MCF2L: variants seen among roughly 807,000 people sequenced by gnomAD.
The protein encoded by MCF2L is MCF.2 cell line derived transforming sequence like, also known as guanine nucleotide exchange factor DBS.
A neutral mutation model predicts 153.4 loss-of-function variants in MCF2L; 97 were observed. That is an observed-to-expected ratio of 0.63 (90% confidence interval 0.54 to 0.75). The LOEUF (loss-of-function observed/expected upper bound fraction) is 0.75. Ranked by LOEUF, MCF2L falls within the 30% of genes least tolerant of loss-of-function variation. The pLI, the probability that MCF2L is intolerant of heterozygous loss-of-function variation, is 0.00. For missense variants in MCF2L, 1,347 were observed against 1,495.2 expected (o/e 0.90, Z 1.64); for synonymous variants, 659 against 632.2 (o/e 1.04, Z -0.64).
Position 112,944,569 on chromosome 13 carries a change from C to CTTT in MCF2L, c.169+42216_169+42218dup, listed in dbSNP as rs34676086. ...TCAGTCCTGTCCCGCTAAACCTGAA[C>CTTT]TTTTTTTTTTTTTTTTTTTTGAGAC... On this transcript the variant is annotated intron_variant, in intron 2 of 29. Transcript: ENST00000375608. 1.3e-3 allele frequency among the ~76,000 whole-genome samples: 135 copies of CTTT among 102,174 alleles called. 3 individuals are homozygous for CTTT. Among genetic ancestry groups the CTTT allele is most frequent in the African/African-American group, 4.4e-3 (116 of 26,644 alleles). 67.0% of individuals were successfully genotyped at this position (102,174 alleles called of 152,430 possible).
At chr13:112,946,921 G>A (rs1307749360) in intron 2 of MCF2L, among the ~76,000 whole-genome samples, 2 of 152,158 alleles carry the variant, frequency 1.3e-5, no homozygotes, top group African/African-American at 2.4e-5. Flanking sequence ...GAATAGTCAC[G>A]GGCCTGAGGA....
chr13:113,015,420 C>T (rs2084442710), intron 2 of MCF2L, among the ~76,000 whole-genome samples: 1 of 152,128 alleles, frequency 6.6e-6, no homozygotes, highest in Non-Finnish European at 1.5e-5. Context: ...CACATGCATG[C>T]CCACCCTGGG....
upstream of MCF2L, among the ~76,000 whole-genome samples, chr13:112,966,815 T>C (rs1488417988): frequency 6.6e-6 from 1 of 152,194 alleles, no homozygotes; most frequent in Non-Finnish European, 1.5e-5. This position sits in a 1 kb window ranked among gnomAD's most constrained non-coding sequence, Gnocchi z 4.1. Context: ...TTCAGCAGTG[T>C]TTCTCAAAGT....
chr13:112,898,907 C>A (rs1448445240), intron 1 of MCF2L, among the ~76,000 whole-genome samples: 3 of 152,204 alleles, frequency 2.0e-5, no homozygotes, highest in African/African-American at 4.8e-5. Flanking sequence ...CTGCTTCAGG[C>A]CCTGCACCCA....
chr13:113,056,171 G>A (rs1408563855), intron 4 of MCF2L, among the ~76,000 whole-genome samples: 3 of 152,270 alleles, frequency 2.0e-5, no homozygotes, highest in Non-Finnish European at 4.4e-5. Context: ...CAGCCGCCCA[G>A]TGACCGAGCC....
intron 2 of MCF2L, among the ~76,000 whole-genome samples, chr13:112,919,027 G>C (rs2081326069): frequency 6.6e-6 from 1 of 152,158 alleles, no homozygotes; most frequent in Non-Finnish European, 1.5e-5. Context: ...GCTGACACCT[G>C]TGGTCTGTGG....
intron 2 of MCF2L, chr13:112,909,571 C>G: frequency 2.3e-6 from 1 of 442,790 alleles, no homozygotes; most frequent in Admixed American, 3.5e-5. Flanking sequence ...GGAGGAGAGT[C>G]TAATAACCAA....
chr13:112,926,417 G>C (rs2081405492), intron 2 of MCF2L, among the ~76,000 whole-genome samples: 1 of 152,018 alleles, frequency 6.6e-6, no homozygotes, highest in Non-Finnish European at 1.5e-5. Flanking sequence ...ATACAGCGGA[G>C]TGCAGTACGG....
intron 1 of MCF2L, among the ~76,000 whole-genome samples, chr13:112,994,185 G>A (rs1364824937): frequency 2.6e-5 from 4 of 151,264 alleles, no homozygotes; most frequent in Admixed American, 6.6e-5. Context: ...CCAGTGTCTC[G>A]GGCAGGGGCG....
intron 2 of MCF2L, among the ~76,000 whole-genome samples, chr13:112,908,059 A>G (rs892069099): frequency 6.6e-6 from 1 of 152,118 alleles, no homozygotes; most frequent in African/African-American, 2.4e-5. Context: ...GGAATTCCTA[A>G]TTTTTTTAAG....
In MCF2L at chr13:112,969,273, C is replaced by T. The variant is rs2081962030; in HGVS notation, c.-107C>T. On this transcript the variant is annotated 5_prime_UTR_variant, in exon 1 of 30. Coordinates refer to ENST00000535094, the MANE Select transcript of MCF2L (RefSeq NM_001112732.3). This position sits in a 1 kb window ranked among gnomAD's most constrained non-coding sequence, Gnocchi z 4.8. ...GAGGCTGAAAGCGCTGCCGTGGCCC[C>T]CTCCCCGCCTCCGCCGCGCCCCCTC... The T allele has an allele frequency of 1.0e-5, 15 of 1,490,102 alleles. No individual in the cohort carries two copies. The East Asian group carries it at 3.9e-4, about 38-fold the overall frequency. 92.3% of individuals were successfully genotyped at this position (1,490,102 alleles called of 1,614,324 possible).
chr13:113,031,257 A>G lies in MCF2L; in HGVS notation c.278+6499A>G, dbSNP rs966333664. 7.5e-4 allele frequency among the ~76,000 whole-genome samples: 114 copies of G among 152,156 alleles called. 1 individual carries two copies. Among genetic ancestry groups the G allele is most frequent in the Non-Finnish European group, 2.4e-4 (16 of 68,008 alleles). On this transcript the variant is annotated intron_variant, in intron 3 of 29. Transcript: ENST00000535094. This position sits in a 1 kb window ranked among gnomAD's most constrained non-coding sequence, Gnocchi z 5.5. The stretch of plus-strand genomic sequence containing the variant: ...AGAAGAGACAGAGAGTGACAGAGAT[A>G]GAGACAGACAGACAGAGACACGGAG...
chr13:112,912,916 G>A (rs1386755909), intron 2 of MCF2L, among the ~76,000 whole-genome samples: 1 of 150,296 alleles, frequency 6.7e-6, no homozygotes, highest in Non-Finnish European at 1.5e-5. Context: ...CTCTGTGTAT[G>A]TATGGGGTGT....
chr13:112,980,114 T>C (rs1240651537), intron 1 of MCF2L, among the ~76,000 whole-genome samples: 2 of 152,300 alleles, frequency 1.3e-5, no homozygotes, highest in East Asian at 3.9e-4. Flanking sequence ...CAGGTGGGTG[T>C]CCTTTGCATC....
intron 2 of MCF2L, among the ~76,000 whole-genome samples, chr13:112,940,480 G>A (rs546622338): frequency 6.6e-5 from 10 of 152,346 alleles, no homozygotes; most frequent in African/African-American, 2.4e-4. Flanking sequence ...GCCCTGAGGC[G>A]CTGCCGGCTG....
Position 113,090,494 on chromosome 13 carries a change from C to A in MCF2L, c.2953+766C>A, listed in dbSNP as rs2035103613. The stretch of plus-strand genomic sequence containing the variant: ...GGTGAGTTCCCTGCAGGGTGCTGAC[C>A]TTGCTGGCTGCGTGTCTCTGCTCCG... On this transcript the variant is annotated intron_variant, in intron 26 of 29. Coordinates refer to ENST00000535094, the MANE Select transcript of MCF2L (RefSeq NM_001112732.3). The A allele has an allele frequency of 1.2e-5, 12 of 984,758 alleles. No individual in the cohort carries two copies. The South Asian group carries it at 4.7e-4, about 39-fold the overall frequency. The allele number at this position is 984,758 out of a possible 1,614,324, so 61.0% of individuals were successfully genotyped here.
rs1158302563 is a variant in MCF2L at position 113,086,352 on chromosome 13, G to C, written c.2373+103G>C. ...ACACGCCCCTCGCTTTGGTGTGAAT[G>C]TGCAGGTTCTGGGCAGGAGGTCTGG... is the stretch of plus-strand genomic sequence containing the variant. On this transcript the variant is annotated intron_variant, in intron 21 of 29. Coordinates refer to ENST00000535094, the MANE Select transcript of MCF2L (RefSeq NM_001112732.3). 5 of 1,520,580 alleles carry C rather than the reference G, an allele frequency of 3.3e-6. No individual in the cohort carries two copies. In the Admixed American group the frequency reaches 1.0e-4, roughly 31 times the overall value. The allele number at this position is 1,520,580 out of a possible 1,614,324, so 94.2% of individuals were successfully genotyped here.
Position 112,907,168 on chromosome 13 carries a change from C to G in MCF2L, c.169+4797C>G, listed in dbSNP as rs113546167. On this transcript the variant is annotated intron_variant, in intron 2 of 29. Transcript: ENST00000375608. The surrounding 1 kb of genome is among the most constrained non-coding windows in gnomAD (Gnocchi z 5.1). ...GGGACCTTGTCTCCACCTGGGGGCA[C>G]GCGGGAGGGTTGGGAAGCACTTCGG... Among the ~76,000 whole-genome samples, 394 of 152,182 alleles carry G rather than the reference C, an allele frequency of 2.6e-3. No homozygotes were observed. The highest frequency in any genetic ancestry group is 4.5e-3 in the Admixed American group (69 of 15,290).
rs2081154663 is a variant in MCF2L, at chr13:112,904,708, G to GTCTGC, written c.169+2342_169+2346dup. ...AAGCCCTTCTGGCTGTCCTTGCCTC[G>GTCTGC]TCTGCTCTGTGGAAAGAGAAGCGCA... is the stretch of plus-strand genomic sequence containing the variant. On this transcript the variant is annotated intron_variant, in intron 2 of 29. Coordinates refer to the MCF2L transcript ENST00000375608. The surrounding 1 kb of genome is among the most constrained non-coding windows in gnomAD (Gnocchi z 4.2). Among the ~76,000 whole-genome samples the GTCTGC allele has an allele frequency of 6.6e-6, 1 of 152,192 alleles. No individual in the cohort carries two copies. Among genetic ancestry groups the GTCTGC allele is most frequent in the South Asian group, 2.1e-4 (1 of 4,834 alleles).
Sources: allele counts gnomAD v4.1 joint callset (sites outside exome capture counted in the v4.1 genomes callset), GRCh38; gene constraint gnomAD v4.1.1; non-coding constraint Gnocchi (gnomAD v3.1); transcripts MANE v1.5; gene names NCBI Gene and HGNC (gene_info 2026-07-23, HGNC 2026-07-21).